Variants in OTC observed in about 807,000 individuals in gnomAD.
OTC encodes the protein ornithine transcarbamylase, also known as ornithine transcarbamylase, mitochondrial.
A neutral mutation model predicts 30.3 loss-of-function variants in OTC; 3 were observed. The observed-to-expected ratio is 0.10, with a 90% CI of 0.05 to 0.26. The LOEUF (loss-of-function observed/expected upper bound fraction) is 0.26. Ranked by LOEUF, OTC falls within the 10% of genes least tolerant of loss-of-function variation. OTC has a pLI of 1.00. For synonymous variants in OTC, 111 were observed against 99.7 expected, an observed-to-expected ratio of 1.11 and a Z score of -0.67; for missense variants, 194 against 260.3, an observed-to-expected ratio of 0.75 and a Z score of 1.75.
intron 4 of OTC, among the ~76,000 whole-genome samples, chrX:38,389,265 T>C (rs371076978): frequency 8.1e-4 from 90 of 111,603 alleles, no homozygotes; most frequent in African/African-American, 2.7e-3. Context: ...TAACCACATA[T>C]CCACATGTCC....
chrX:38,334,493 A>T, the OTC span, among the ~76,000 whole-genome samples: 8 of 111,825 alleles, frequency 7.2e-5, no homozygotes, highest in Non-Finnish European at 1.3e-4. Flanking sequence ...GATATCTAGC[A>T]CTAGAGGCGA....
chrX:38,340,450 TG>T, the OTC span, among the ~76,000 whole-genome samples: 7 of 88,176 alleles, frequency 7.9e-5, no homozygotes, highest in Non-Finnish European at 1.1e-4. Context: ...CTCCCTTCAT[TG>T]TTTTTTTGTT....
In OTC at chrX:38,413,762, C is replaced by T. The variant is rs1034256461; in HGVS notation, c.1005+1763C>T. 2.8e-5 allele frequency among the ~76,000 whole-genome samples: 3 copies of T among 106,580 alleles called. No individual in the cohort carries two copies. The Admixed American group carries it at 3.0e-4, about 11-fold the overall frequency. The allele number at this position is 106,580 out of a possible 115,157, so 92.6% of individuals were successfully genotyped here. ...TCGGCTCACTGCAACCTCTGCCTCC[C>T]GGGTTCAAGCAATTTTGCTACCTCA... is the stretch of plus-strand genomic sequence containing the variant. On this transcript the variant is annotated intron_variant, in intron 9 of 9. Coordinates refer to ENST00000039007, the MANE Select transcript of OTC (RefSeq NM_000531.6).
the OTC span, among the ~76,000 whole-genome samples, chrX:38,342,470 A>G: frequency 4.8e-3 from 539 of 111,635 alleles, 5 homozygotes; most frequent in African/African-American, 0.016. Context: ...GTAGTTAACA[A>G]AAGCTAACAT....
In OTC at chrX:38,367,324, G is replaced by A. The variant is rs1229368741; in HGVS notation, c.111G>A (p.Leu37=). 1 of 1,204,164 alleles carries A rather than the reference G, an allele frequency of 8.3e-7. No individual in the cohort carries two copies. The highest frequency in any genetic ancestry group is 1.1e-6 in the Non-Finnish European group (1 of 888,641). ...CGQPLQNKVQ[L]KGRDLLTLKN... is the part of the protein sequence containing the mutation. ...AACCACTACAAAATAAAGTGCAGCT[G>A]AAGGGCCGTGACCTTCTCACTCTAA... Residue 37 remains leucine, a synonymous_variant, in exon 2 of 10, where the codon CTG becomes CTA. Transcript: ENST00000039007.
intron 4 of OTC, among the ~76,000 whole-genome samples, chrX:38,382,241 C>G (rs1375031382): frequency 3.6e-5 from 4 of 112,031 alleles, no homozygotes; most frequent in African/African-American, 9.7e-5. Flanking sequence ...GGGAAAGGCT[C>G]TTCCCCACTA....
In OTC at chrX:38,367,421, A is replaced by G. The variant is rs2068302365; in HGVS notation, c.208A>G (p.Lys70Glu). ...SADLKFRIKQKGEYLPLLQGK... is the reference protein window; with the variant it reads ...SADLKFRIKQEGEYLPLLQGK... The stretch of plus-strand genomic sequence containing the variant: ...AGATCTGAAATTTAGGATAAAACAG[A>G]AAGGAGAGGTATGTAACATTTTCTT... The change falls in exon 2 of 10, where the codon AAA becomes GAA. Residue 70 changes from lysine to glutamate, a missense_variant. Coordinates refer to ENST00000039007, the MANE Select transcript of OTC (RefSeq NM_000531.6). 8.3e-7 allele frequency: 1 copy of G among 1,201,038 alleles called. No homozygotes were observed. Among genetic ancestry groups the G allele is most frequent in the African/African-American group, 1.8e-5 (1 of 56,930 alleles).
intron 3 of OTC, among the ~76,000 whole-genome samples, chrX:38,371,276 A>T (rs12836613): frequency 0.014 from 1,545 of 111,137 alleles, 13 homozygotes; most frequent in Non-Finnish European, 0.02. Context: ...GCTGTTAAGG[A>T]TATTTTTTTT....
chrX:38,390,559 AG>A (rs2068424364), intron 4 of OTC, among the ~76,000 whole-genome samples: 1 of 112,521 alleles, frequency 8.9e-6, no homozygotes, highest in African/African-American at 3.2e-5. Flanking sequence ...TGTCAGTGAA[AG>A]AAACTGGAGT....
intron 4 of OTC, among the ~76,000 whole-genome samples, chrX:38,389,645 A>G (rs983359356): frequency 8.1e-5 from 9 of 110,921 alleles, no homozygotes; most frequent in Non-Finnish European, 1.7e-4. Flanking sequence ...GGGAAAAATG[A>G]TTACAAAAGA....
intron 6 of OTC, among the ~76,000 whole-genome samples, chrX:38,407,399 G>A (rs941686412): frequency 2.7e-5 from 3 of 112,212 alleles, no homozygotes; most frequent in African/African-American, 9.7e-5. Context: ...TTCCTGGAGG[G>A]GGATCTCGGG....
upstream of OTC, among the ~76,000 whole-genome samples, chrX:38,348,171 C>T (rs966373074): frequency 1.8e-5 from 2 of 112,123 alleles, no homozygotes; most frequent in African/African-American, 6.5e-5. Flanking sequence ...TTGCATCCAT[C>T]TCCTGTTTTC....
downstream of OTC, among the ~76,000 whole-genome samples, chrX:38,422,183 C>T (rs2068599193): frequency 8.9e-6 from 1 of 111,774 alleles, no homozygotes; most frequent in South Asian, 3.7e-4. Context: ...GGCTGGTTGA[C>T]TGATATTCTT....
chrX:38,378,415 G>T (rs761847346), intron 3 of OTC, among the ~76,000 whole-genome samples: 11 of 107,561 alleles, frequency 1.0e-4, no homozygotes, highest in Non-Finnish European at 1.9e-4. Context: ...TTTGTACTCT[G>T]TCTCTCCCCA....
intron 1 of OTC, among the ~76,000 whole-genome samples, chrX:38,356,305 G>GT (rs1372816707): frequency 1.8e-5 from 2 of 111,428 alleles, no homozygotes; most frequent in African/African-American, 6.5e-5. Context: ...CAGATGAGAA[G>GT]TTTCACAATT....
At chrX:38,347,521 G>A in the OTC span, among the ~76,000 whole-genome samples, 1 of 111,970 alleles carries the variant, frequency 8.9e-6, no homozygotes, top group Non-Finnish European at 1.9e-5. Flanking sequence ...CAAATGCTGC[G>A]GCTTCTTAGG....
At chrX:38,381,945 A>G (rs1215713808) in intron 4 of OTC, among the ~76,000 whole-genome samples, 1 of 112,299 alleles carries the variant, frequency 8.9e-6, no homozygotes, top group Admixed American at 9.5e-5. Context: ...AAATGTCAAT[A>G]TGCTAACATA....
intron 6 of OTC, among the ~76,000 whole-genome samples, chrX:38,407,599 C>T (rs1367577153): frequency 1.8e-5 from 2 of 111,044 alleles, no homozygotes; most frequent in Non-Finnish European, 3.8e-5. Context: ...GGAGCTGACA[C>T]ATTGTGATGA....
At chrX:38,380,024 A>T (rs955995637) in intron 3 of OTC, among the ~76,000 whole-genome samples, 2 of 112,305 alleles carry the variant, frequency 1.8e-5, no homozygotes, top group Non-Finnish European at 3.8e-5. Context: ...TTGTTGAACT[A>T]AAGTAAATTA....
Sources: allele counts gnomAD v4.1 joint callset (sites outside exome capture counted in the v4.1 genomes callset), GRCh38; gene constraint gnomAD v4.1.1; transcripts MANE v1.5; gene names NCBI Gene and HGNC (gene_info 2026-07-23, HGNC 2026-07-21).